The following THSD7B variants were observed in gnomAD, a reference collection of about 807,000 sequenced individuals.
The protein encoded by THSD7B is thrombospondin type 1 domain containing 7B.
THSD7B carries 138 observed loss-of-function variants against 213.6 expected under a neutral mutation model. That is an observed-to-expected ratio of 0.65 (90% CI 0.56 to 0.74). The LOEUF is 0.74. Ranked by LOEUF, THSD7B falls within the 30% of genes least tolerant of loss-of-function variation. The pLI is 0.00. For synonymous variants in THSD7B, 742 were observed against 687.0 expected, an observed-to-expected ratio of 1.08 and a Z score of -1.25; for missense variants, 1,931 against 1,991.5, an observed-to-expected ratio of 0.97 and a Z score of 0.58.
At chr2:137,180,904 G>T (rs79430518) in intron 7 of THSD7B, among the ~76,000 whole-genome samples, 204 of 152,242 alleles carry the variant, frequency 1.3e-3, no homozygotes, top group Admixed American at 3.3e-3. Context: ...AGAGGCAATT[G>T]TGCCAACTCA....
At chr2:136,987,002 G>A (rs1314295089) in intron 2 of THSD7B, among the ~76,000 whole-genome samples, 1 of 152,192 alleles carries the variant, frequency 6.6e-6, no homozygotes, top group South Asian at 2.1e-4. Flanking sequence ...GAGTTATTTA[G>A]CCACCTGAAA....
Position 137,391,339 on chromosome 2 carries a change from A to G in THSD7B, c.2501-14274A>G, listed in dbSNP as rs1686021630. On this transcript the variant is annotated intron_variant, in intron 12 of 27. Transcript: ENST00000409968. ...TTCATTTCTGATTATGTTTATTTGG[A>G]TCTTCTTTCTTCTTGGTTTGTTCAG... Among the ~76,000 whole-genome samples, 2 of 150,422 alleles carry G rather than the reference A, an allele frequency of 1.3e-5. 1 individual carries two copies. The highest frequency in any genetic ancestry group is 4.2e-4 in the South Asian group (2 of 4,756).
At chr2:137,401,634 C>CTTTTTTTT (rs35834967) in intron 12 of THSD7B, among the ~76,000 whole-genome samples, 18 of 132,682 alleles carry the variant, frequency 1.4e-4, no homozygotes, top group Admixed American at 1.5e-4. Context: ...TTCTTTCTTT[C>CTTTTTTTT]TTTTTTTTTT....
intron 15 of THSD7B, among the ~76,000 whole-genome samples, chr2:137,514,669 GC>G (rs1227733136): frequency 6.6e-6 from 1 of 152,142 alleles, no homozygotes; most frequent in African/African-American, 2.4e-5. Context: ...TCTGGAGTTG[GC>G]TGCTTAATAT....
intron 20 of THSD7B, among the ~76,000 whole-genome samples, chr2:137,625,475 T>TA (rs903341426): frequency 6.8e-4 from 101 of 148,104 alleles, no homozygotes; most frequent in Middle Eastern, 3.4e-3. Context: ...GAAGTATAAT[T>TA]AAAAAAAAAA....
intron 14 of THSD7B, among the ~76,000 whole-genome samples, chr2:137,442,578 G>A (rs1212249803): frequency 6.6e-6 from 1 of 151,726 alleles, no homozygotes; most frequent in Non-Finnish European, 1.5e-5. Context: ...GAATATTGCT[G>A]GTCCTTGTGG....
At chr2:137,103,247 G>T (rs1488425895) in intron 4 of THSD7B, among the ~76,000 whole-genome samples, 2 of 152,132 alleles carry the variant, frequency 1.3e-5, no homozygotes, top group East Asian at 1.9e-4. Context: ...ATTTTTAAAA[G>T]AATTTTCAAG....
rs7567037 is a variant in THSD7B, at chr2:136,916,873, A to G, written c.139+34556A>G. Among the ~76,000 whole-genome samples, 697 of 152,314 alleles carry G rather than the reference A, an allele frequency of 4.6e-3. 7 individuals carry two copies. The highest frequency in any genetic ancestry group is 0.016 in the African/African-American group (647 of 41,568). On this transcript the variant is annotated intron_variant, in intron 2 of 27. Coordinates refer to ENST00000409968, the MANE Select transcript of THSD7B (RefSeq NM_001316349.2). ...TCCTGATACTGGTTGCCATGAATCAATGGCTTCATTCTTTAGTCTTGGCAT... is the reference window on the plus strand; with the variant it reads ...TCCTGATACTGGTTGCCATGAATCAGTGGCTTCATTCTTTAGTCTTGGCAT...
intron 1 of THSD7B, among the ~76,000 whole-genome samples, chr2:136,794,263 AT>A (rs555068876): frequency 2.6e-5 from 4 of 151,132 alleles, no homozygotes; most frequent in Non-Finnish European, 5.9e-5. Context: ...TAAATTTCAA[AT>A]TTTTTTTATT....
intron 3 of THSD7B, among the ~76,000 whole-genome samples, chr2:137,081,180 A>G (rs2104904712): frequency 6.6e-6 from 1 of 152,180 alleles, no homozygotes; most frequent in Admixed American, 6.5e-5. Flanking sequence ...CCCAGGGTCG[A>G]TTGATCTGGA....
intron 15 of THSD7B, among the ~76,000 whole-genome samples, chr2:137,551,004 A>AAAAT (rs1047803863): frequency 5.9e-5 from 9 of 151,734 alleles, no homozygotes; most frequent in Admixed American, 2.6e-4. Context: ...TTAAAATATT[A>AAAAT]AAATAAATAA....
At chr2:137,419,579 T>C (rs957043009) in intron 14 of THSD7B, among the ~76,000 whole-genome samples, 1 of 151,256 alleles carries the variant, frequency 6.6e-6, no homozygotes, top group African/African-American at 2.4e-5. Context: ...TACTGATTGG[T>C]TTGAGTATGC....
intron 12 of THSD7B, among the ~76,000 whole-genome samples, chr2:137,362,648 C>A (rs1340562697): frequency 6.6e-6 from 1 of 152,178 alleles, no homozygotes; most frequent in Non-Finnish European, 1.5e-5. Context: ...AAGGCCATTA[C>A]ATAATGGTAA....
At chr2:137,054,766 CTT>C (rs200545780) in intron 2 of THSD7B, among the ~76,000 whole-genome samples, 12 of 145,190 alleles carry the variant, frequency 8.3e-5, no homozygotes, top group African/African-American at 1.0e-4. Flanking sequence ...GCTGATAAAA[CTT>C]TTTTTTTTTT....
intron 5 of THSD7B, among the ~76,000 whole-genome samples, chr2:137,139,539 T>G (rs960208133): frequency 1.3e-5 from 2 of 152,068 alleles, no homozygotes; most frequent in Admixed American, 1.3e-4. Flanking sequence ...AGTAGGAACA[T>G]GGTACTAAGA....
chr2:136,860,178 G>A (rs577822942), intron 1 of THSD7B, among the ~76,000 whole-genome samples: 40 of 151,980 alleles, frequency 2.6e-4, no homozygotes, highest in African/African-American at 8.7e-4. Context: ...GAGGAGTTGA[G>A]GATGGTATCT....
At chr2:136,894,544 A>T (rs531108578) in intron 2 of THSD7B, among the ~76,000 whole-genome samples, 8 of 152,328 alleles carry the variant, frequency 5.3e-5, no homozygotes, top group African/African-American at 1.7e-4. Flanking sequence ...TTGATATTCT[A>T]TGTTACATAC....
intron 2 of THSD7B, among the ~76,000 whole-genome samples, chr2:137,049,219 G>A (rs1314883316): frequency 2.6e-5 from 4 of 152,224 alleles, no homozygotes; most frequent in African/African-American, 7.2e-5. Flanking sequence ...AGGGGCTTTC[G>A]GCAAGAGACG....
chr2:137,290,026 G>A (rs964922910), intron 12 of THSD7B, among the ~76,000 whole-genome samples: 1 of 151,562 alleles, frequency 6.6e-6, no homozygotes, highest in Non-Finnish European at 1.5e-5. Flanking sequence ...ATGGCTCAAT[G>A]TACATAGAAA....
Sources: gnomAD v4.1 joint callset for allele counts (sites outside exome capture counted in the v4.1 genomes callset) on GRCh38, gnomAD v4.1.1 for gene constraint, MANE v1.5 for transcripts, NCBI Gene and HGNC (gene_info 2026-07-23, HGNC 2026-07-21) for gene names.